Variants in JMJD1C observed in about 807,000 individuals in gnomAD.
JMJD1C encodes the protein jumonji domain containing 1C, also known as jumonji domain-containing protein 1C.
Under a neutral mutation model 245.3 loss-of-function variants are expected in JMJD1C, and 31 were observed. The ratio of observed to expected loss-of-function variants is 0.13; its 90% confidence interval spans 0.09 to 0.17. The LOEUF (loss-of-function observed/expected upper bound fraction) is 0.17, where lower values mean the gene tolerates loss of function less well. Ranked by LOEUF, JMJD1C falls within the 10% of genes least tolerant of loss-of-function variation. The probability of loss-of-function intolerance (pLI) is 1.00; values close to 1 mark genes in which losing one functional copy is unlikely to be tolerated. For missense variants in JMJD1C, 2,691 were observed against 3,000.2 expected (o/e 0.90, Z 2.41); for synonymous variants, 1,057 against 1,017.4 (o/e 1.04, Z -0.74).
chr10:63,409,634 G>A (rs1949371477), intron 1 of JMJD1C, among the ~76,000 whole-genome samples: 1 of 152,150 alleles, frequency 6.6e-6, no homozygotes. Flanking sequence ...CATCTGAGAA[G>A]GTAAGATTGT....
chr10:63,277,782 G>T (rs1856966108), intron 2 of JMJD1C, among the ~76,000 whole-genome samples: 3 of 109,318 alleles, frequency 2.7e-5, no homozygotes, highest in Non-Finnish European at 5.0e-5. Context: ...CTGTCTCCCA[G>T]GCTGGAGTGC....
intron 1 of JMJD1C, among the ~76,000 whole-genome samples, chr10:63,461,891 G>T (rs1230159555): frequency 6.6e-6 from 1 of 152,106 alleles, no homozygotes; most frequent in Non-Finnish European, 1.5e-5. Context: ...TAAACAAGAG[G>T]AGAGTAAATT....
At chr10:63,479,271 CTT>C (rs199545366) in intron 1 of JMJD1C, among the ~76,000 whole-genome samples, 22 of 134,840 alleles carry the variant, frequency 1.6e-4, no homozygotes, top group East Asian at 1.5e-3. Context: ...TATTTCTTCT[CTT>C]TTTTTTTTTT....
chr10:63,512,289 CTTTTT>C (rs34129211), intron 1 of JMJD1C, among the ~76,000 whole-genome samples: 4 of 148,478 alleles, frequency 2.7e-5, no homozygotes, highest in African/African-American at 7.4e-5. Context: ...TCTCTCTGAA[CTTTTT>C]TTTTTTACAT....
intron 2 of JMJD1C, among the ~76,000 whole-genome samples, chr10:63,265,681 T>C (rs1589332838): frequency 6.6e-6 from 1 of 152,054 alleles, no homozygotes; most frequent in Non-Finnish European, 1.5e-5. Flanking sequence ...ACACAGCTGC[T>C]TTACTATAAA....
At chr10:63,516,030 T>A (rs1274065065) in intron 1 of JMJD1C, among the ~76,000 whole-genome samples, 1 of 146,358 alleles carries the variant, frequency 6.8e-6, no homozygotes, top group Non-Finnish European at 1.6e-5. Context: ...AATACCTTTA[T>A]CTATTTTTTT....
At chr10:63,411,912 T>C (rs1239957501) in intron 1 of JMJD1C, among the ~76,000 whole-genome samples, 1 of 150,288 alleles carries the variant, frequency 6.7e-6, no homozygotes, top group Non-Finnish European at 1.5e-5. Flanking sequence ...CCAATTTTTT[T>C]TTTTTTTTTT....
intron 1 of JMJD1C, among the ~76,000 whole-genome samples, chr10:63,419,489 T>C (rs1198648856): frequency 6.6e-6 from 1 of 151,832 alleles, no homozygotes; most frequent in African/African-American, 2.4e-5. Context: ...CCTGAAAAGG[T>C]GAGAAACCCA....
At chr10:63,221,814 C>T (rs764074343) in intron 3 of JMJD1C, among the ~76,000 whole-genome samples, 12 of 152,204 alleles carry the variant, frequency 7.9e-5, no homozygotes, top group Non-Finnish European at 1.6e-4. Flanking sequence ...CTCCACCTCC[C>T]AGGTTCAAGC....
intron 1 of JMJD1C, among the ~76,000 whole-genome samples, chr10:63,474,101 TAATAATA>T (rs1425037670): frequency 2.7e-5 from 4 of 146,674 alleles, no homozygotes; most frequent in African/African-American, 9.8e-5. Context: ...AAAAAAATAA[TAATAATA>T]AATAAATAAA....
At chr10:63,266,487 C>T (rs72831007) in intron 2 of JMJD1C, among the ~76,000 whole-genome samples, 4 of 152,202 alleles carry the variant, frequency 2.6e-5, no homozygotes, top group Non-Finnish European at 4.4e-5. Flanking sequence ...TCCACCACTA[C>T]GTGACCAATT....
intron 1 of JMJD1C, among the ~76,000 whole-genome samples, chr10:63,485,106 AATTATAAAT>A (rs1190785819): frequency 1.3e-5 from 2 of 151,454 alleles, no homozygotes; most frequent in Admixed American, 6.6e-5. Flanking sequence ...TTATAAATTA[AATTATAAAT>A]TTAATTAAAT....
At chr10:63,407,901 A>C (rs1309916703) in intron 1 of JMJD1C, among the ~76,000 whole-genome samples, 1 of 152,084 alleles carries the variant, frequency 6.6e-6, no homozygotes, top group African/African-American at 2.4e-5. Context: ...TAGAAAAGGA[A>C]GCTGAAAATT....
At chr10:63,464,041 C>CTTT (rs1952997776) in intron 1 of JMJD1C, among the ~76,000 whole-genome samples, 1 of 151,916 alleles carries the variant, frequency 6.6e-6, no homozygotes, top group Non-Finnish European at 1.5e-5. Flanking sequence ...AGGCTGGACT[C>CTTT]TTAATAAGTC....
intron 2 of JMJD1C, among the ~76,000 whole-genome samples, chr10:63,362,784 T>G (rs1945500205): frequency 6.6e-6 from 1 of 152,062 alleles, no homozygotes; most frequent in Non-Finnish European, 1.5e-5. Flanking sequence ...CCTGGCCTAG[T>G]ATATTGTATT....
intron 2 of JMJD1C, among the ~76,000 whole-genome samples, chr10:63,377,833 G>A (rs1046725486): frequency 2.0e-5 from 3 of 151,730 alleles, no homozygotes; most frequent in Admixed American, 6.6e-5. Context: ...AGGAGTTCAA[G>A]GCTGCAGTGA....
At chr10:63,310,147 T>A (rs796605244) in intron 2 of JMJD1C, among the ~76,000 whole-genome samples, 3 of 152,280 alleles carry the variant, frequency 2.0e-5, no homozygotes, top group Admixed American at 6.5e-5. Flanking sequence ...TCTAACAGCA[T>A]AATACAAGAC....
chr10:63,451,928 C>T (rs1172750953), intron 1 of JMJD1C, among the ~76,000 whole-genome samples: 2 of 152,116 alleles, frequency 1.3e-5, no homozygotes, highest in Non-Finnish European at 2.9e-5. Flanking sequence ...ACACCATACA[C>T]AAAAGTCAAC....
In JMJD1C at chr10:63,167,562, G is replaced by GTAAT. The variant is rs1841969832; in HGVS notation, c.*479_*482dup. The GTAAT allele has an allele frequency of 6.5e-6, 1 of 152,748 alleles. No homozygotes were observed. The highest frequency in any genetic ancestry group is 2.4e-5 in the African/African-American group (1 of 41,410). The allele number at this position is 152,748 out of a possible 1,614,324, so 9.5% of individuals were successfully genotyped here. Reference sequence around the variant, plus strand: ...TTACAAATTTTACAATTATTTGGCAGTAATTTTCTGATTATGACATGACTG... The same window carrying GTAAT: ...TTACAAATTTTACAATTATTTGGCAGTAATTAATTTTCTGATTATGACATGACTG... On this transcript the variant is annotated 3_prime_UTR_variant, in exon 26 of 26. Transcript: ENST00000399262.
Sources: gnomAD v4.1 joint callset for allele counts (sites outside exome capture counted in the v4.1 genomes callset) on GRCh38, gnomAD v4.1.1 for gene constraint, MANE v1.5 for transcripts, NCBI Gene and HGNC (gene_info 2026-07-23, HGNC 2026-07-21) for gene names.